ARFIP1: variants seen among roughly 807,000 people sequenced by gnomAD.
The protein encoded by ARFIP1 is ARF interacting protein 1.
ARFIP1 carries 24 observed loss-of-function variants against 42.5 expected under a neutral mutation model. That is an observed-to-expected ratio of 0.57 (90% CI 0.41 to 0.80). The LOEUF is 0.80. ARFIP1 is among the 30% of genes least tolerant of loss of function. The pLI is 0.00. For synonymous variants in ARFIP1, 141 were observed against 153.7 expected, an observed-to-expected ratio of 0.92 and a Z score of 0.61; for missense variants, 354 against 434.0, an observed-to-expected ratio of 0.82 and a Z score of 1.64.
chr4:152,817,196 C>A (rs1212067873), intron 1 of ARFIP1, among the ~76,000 whole-genome samples: 10 of 152,242 alleles, frequency 6.6e-5, no homozygotes, highest in African/African-American at 9.6e-5. Context: ...AGAGCTGGAT[C>A]TTAGTCTTCC....
intron 2 of ARFIP1, among the ~76,000 whole-genome samples, chr4:152,834,207 C>T (rs1207754182): frequency 1.3e-5 from 2 of 152,202 alleles, no homozygotes; most frequent in Non-Finnish European, 2.9e-5. Context: ...GATCCAGTCA[C>T]TTCCCACAAG....
chr4:152,814,490 A>C (rs745555194), intron 1 of ARFIP1, among the ~76,000 whole-genome samples: 28 of 152,172 alleles, frequency 1.8e-4, no homozygotes, highest in Non-Finnish European at 2.9e-4. Context: ...TGGGAGGATC[A>C]TTTGAATCTA....
chr4:152,889,642 G>A (rs1736589367), intron 8 of ARFIP1, among the ~76,000 whole-genome samples: 1 of 120,518 alleles, frequency 8.3e-6, no homozygotes, highest in Non-Finnish European at 1.7e-5. Context: ...GTATATATAT[G>A]CACTATATAT....
rs575717857 is a variant in ARFIP1, at chr4:152,866,573, C to T, written c.202+2859C>T. On this transcript the variant is annotated intron_variant, in intron 3 of 8. Transcript: ENST00000353617. ...ACCCCCACCTCCCTCCTGGACGGGG[C>T]GGCTGGCCGGGCGGGGGCTGACCCC... is the stretch of plus-strand genomic sequence containing the variant. Among the ~76,000 whole-genome samples the T allele has an allele frequency of 5.3e-5, 8 of 150,790 alleles. No individual in the cohort carries two copies. In the East Asian group the frequency reaches 6.0e-4, roughly 11 times the overall value.
chr4:152,852,848 C>G (rs1733108739), intron 2 of ARFIP1, among the ~76,000 whole-genome samples: 1 of 152,164 alleles, frequency 6.6e-6, no homozygotes, highest in South Asian at 2.1e-4. Flanking sequence ...AATGATAGTT[C>G]TCTTCAGAAT....
At chr4:152,804,458 A>G (rs1728829185) in intron 1 of ARFIP1, among the ~76,000 whole-genome samples, 1 of 111,614 alleles carries the variant, frequency 9.0e-6, no homozygotes, top group African/African-American at 3.4e-5. Flanking sequence ...TATATTATAT[A>G]TAATATATAA....
At chr4:152,879,064 G>C (rs1459473092) in intron 5 of ARFIP1, among the ~76,000 whole-genome samples, 1 of 151,972 alleles carries the variant, frequency 6.6e-6, no homozygotes, top group African/African-American at 2.4e-5. Context: ...TCATTTTCTA[G>C]GAGTGTTTGT....
chr4:152,882,246 A>G (rs1170061347), intron 6 of ARFIP1, among the ~76,000 whole-genome samples: 1 of 152,206 alleles, frequency 6.6e-6, no homozygotes, highest in African/African-American at 2.4e-5. Context: ...CCAAGTTTAC[A>G]AAGAAATATG....
intron 1 of ARFIP1, among the ~76,000 whole-genome samples, chr4:152,806,412 C>G (rs1728998302): frequency 1.3e-5 from 2 of 152,126 alleles, no homozygotes; most frequent in South Asian, 2.1e-4. Flanking sequence ...CGCCACCAGA[C>G]TGGTATGGTA....
intron 1 of ARFIP1, among the ~76,000 whole-genome samples, chr4:152,821,805 T>C (rs1207272645): frequency 6.6e-6 from 1 of 152,170 alleles, no homozygotes; most frequent in South Asian, 2.1e-4. Context: ...AGAAACCTTA[T>C]AAGCCAGAAG....
intron 1 of ARFIP1, among the ~76,000 whole-genome samples, chr4:152,822,172 AAC>A (rs999164895): frequency 2.0e-5 from 3 of 152,184 alleles, no homozygotes; most frequent in Non-Finnish European, 2.9e-5. Flanking sequence ...AGACACAGAT[AAC>A]ACATAAGGAT....
chr4:152,827,795 C>A (rs1182453397), intron 1 of ARFIP1, among the ~76,000 whole-genome samples: 2 of 152,162 alleles, frequency 1.3e-5, no homozygotes, highest in Non-Finnish European at 2.9e-5. Flanking sequence ...CCCACCCCAG[C>A]CTCCCAAGTA....
At chr4:152,831,502 T>C (rs1446709054) in intron 2 of ARFIP1, among the ~76,000 whole-genome samples, 1 of 152,204 alleles carries the variant, frequency 6.6e-6, no homozygotes, top group East Asian at 1.9e-4. Context: ...AAATGTTAAG[T>C]GTACCACTCA....
In ARFIP1 at chr4:152,870,076, A is replaced by G. The variant is rs115429348; in HGVS notation, c.203-677A>G. On this transcript the variant is annotated intron_variant, in intron 3 of 8. Coordinates refer to ENST00000353617, the MANE Select transcript of ARFIP1 (RefSeq NM_001025595.3). The stretch of plus-strand genomic sequence containing the variant: ...CAGCACTTCTCAAATTTCAAAGTAC[A>G]TACAAATCACCTGGGGAAATCTTAT... Among the ~76,000 whole-genome samples, 836 of 152,342 alleles carry G rather than the reference A, an allele frequency of 5.5e-3. 8 individuals carry two copies. Among genetic ancestry groups the G allele is most frequent in the African/African-American group, 0.018 (764 of 41,578 alleles).
chr4:152,863,529 G>T, intron 2 of ARFIP1, 77 bp from the exon 3 acceptor site: 2 of 792,208 alleles, frequency 2.5e-6, no homozygotes, highest in Non-Finnish European at 4.2e-6. Flanking sequence ...TTGATTAAAA[G>T]GATACAATTA....
Position 152,801,406 on chromosome 4 carries a change from T to C in ARFIP1, c.-10+21180T>C, listed in dbSNP as rs557875227. Among the ~76,000 whole-genome samples, 10 of 152,222 alleles carry C rather than the reference T, an allele frequency of 6.6e-5. 1 individual carries two copies. Among genetic ancestry groups the C allele is most frequent in the Admixed American group, 6.5e-4 (10 of 15,276 alleles). ...GAAACAGTGGAGAGGGCTCTGTGGG[T>C]AGAACTGCCTGTCAGGAAAGATGGA... On this transcript the variant is annotated intron_variant, in intron 1 of 8. Transcript: ENST00000353617.
chr4:152,829,791 A>T, intron 2 of ARFIP1, 65 bp downstream of exon 2: 1 of 1,249,554 alleles, frequency 8.0e-7, no homozygotes, highest in African/African-American at 1.5e-5. Flanking sequence ...TTGAGATGAA[A>T]GTAATAGACA....
At position 152,911,737 on chromosome 4, in the gene ARFIP1, T is replaced by C. The variant is rs1738865641; in HGVS notation, c.*1518T>C. 6.6e-6 allele frequency: 1 copy of C among 152,622 alleles called. No homozygotes were observed. Among genetic ancestry groups the C allele is most frequent in the Non-Finnish European group, 1.5e-5 (1 of 68,012 alleles). The allele number at this position is 152,622 out of a possible 1,614,324, so 9.5% of individuals were successfully genotyped here. Reference sequence around the variant, plus strand: ...CCTGTTTTGAGTGCTTAATACAATGTAATGTGATTGTAAATCATACCTATT... The same window carrying C: ...CCTGTTTTGAGTGCTTAATACAATGCAATGTGATTGTAAATCATACCTATT... On this transcript the variant is annotated 3_prime_UTR_variant, in exon 9 of 9. Transcript: ENST00000353617.
At chr4:152,853,427 T>A (rs908683418) in intron 2 of ARFIP1, among the ~76,000 whole-genome samples, 5 of 152,358 alleles carry the variant, frequency 3.3e-5, no homozygotes, top group Middle Eastern at 6.8e-3. Context: ...GGTAATTTTG[T>A]TGGATATAGT....
Sources: gnomAD v4.1 joint callset for allele counts (sites outside exome capture counted in the v4.1 genomes callset) on GRCh38, gnomAD v4.1.1 for gene constraint, MANE v1.5 for transcripts, NCBI Gene and HGNC (gene_info 2026-07-23, HGNC 2026-07-21) for gene names.